Variants in ICA1 observed in about 807,000 individuals in gnomAD.
ICA1 encodes 69 kDa islet cell autoantigen.
ICA1 carries 40 observed loss-of-function variants against 71.0 expected under a neutral mutation model. The observed-to-expected ratio is 0.56, with a 90% CI of 0.44 to 0.73. The LOEUF (loss-of-function observed/expected upper bound fraction) is 0.73, where lower values mean the gene tolerates loss of function less well. Ranked by LOEUF, ICA1 falls within the 30% of genes least tolerant of loss-of-function variation. The pLI is 0.00. For synonymous variants in ICA1, 207 were observed against 209.5 expected (o/e 0.99, Z 0.10); for missense variants, 578 against 576.5 (o/e 1.00, Z -0.03).
chr7:8,227,661 C>T (rs1051967948), intron 4 of ICA1: 1 of 416,032 alleles, frequency 2.4e-6, no homozygotes. Context: ...GGCTGGAGCA[C>T]AACGGCTCAT....
chr7:8,197,182 A>G (rs1342771310), intron 6 of ICA1, among the ~76,000 whole-genome samples: 1 of 152,072 alleles, frequency 6.6e-6, no homozygotes, highest in Non-Finnish European at 1.5e-5. Flanking sequence ...AAAAAAAGAC[A>G]GATGGTAAAG....
At chr7:8,133,207 A>G (rs1792129467) in intron 12 of ICA1, among the ~76,000 whole-genome samples, 1 of 152,200 alleles carries the variant, frequency 6.6e-6, no homozygotes, top group Admixed American at 6.5e-5. Flanking sequence ...CTTAGGACTC[A>G]GCAAAAAAGG....
chr7:8,253,466 C>G (rs1020446344), intron 1 of ICA1, among the ~76,000 whole-genome samples: 1 of 151,952 alleles, frequency 6.6e-6, no homozygotes, highest in Non-Finnish European at 1.5e-5. Context: ...CAATATGTAT[C>G]CACAAATGTA....
At chr7:8,138,963 A>G in intron 11 of ICA1, 22 bp downstream of exon 11, 1 of 1,603,578 alleles carries the variant, frequency 6.2e-7, no homozygotes, top group Non-Finnish European at 8.5e-7. Flanking sequence ...AAAATTGAGT[A>G]GTTTTCCTTA....
chr7:8,244,213 A>G (rs1805059399), intron 1 of ICA1, among the ~76,000 whole-genome samples: 1 of 152,246 alleles, frequency 6.6e-6, no homozygotes, highest in Non-Finnish European at 1.5e-5. Flanking sequence ...AAACAGAGAT[A>G]TAGACCAATG....
At position 8,173,842 on chromosome 7, in the gene ICA1, G is replaced by C. The variant is rs2128238120; in HGVS notation, c.580-15190C>G. 6.6e-6 allele frequency among the ~76,000 whole-genome samples: 1 copy of C among 152,094 alleles called. No individual in the cohort carries two copies. The highest frequency in any genetic ancestry group is 2.1e-4 in the South Asian group (1 of 4,798). ...TATAATTGAACACCTATAGCTCTCG[G>C]TGCTGGAGATAAGCAGAGAATAAAG... On this transcript the variant is annotated intron_variant, in intron 6 of 13. Transcript: ENST00000402384. This position sits in a 1 kb window ranked among gnomAD's most constrained non-coding sequence, Gnocchi z 4.0.
At chr7:8,161,028 A>T (rs1168599552) in intron 6 of ICA1, among the ~76,000 whole-genome samples, 1 of 152,210 alleles carries the variant, frequency 6.6e-6, no homozygotes, top group Non-Finnish European at 1.5e-5. Context: ...GGGGTCCTGA[A>T]AGGCATCTGT....
At chr7:8,162,208 T>C (rs186178799) in intron 6 of ICA1, among the ~76,000 whole-genome samples, 259 of 152,386 alleles carry the variant, frequency 1.7e-3, no homozygotes, top group African/African-American at 6.0e-3. Context: ...TAGCGTAGTT[T>C]GAAATGTACC....
chr7:8,152,834 C>T (rs1799894365), intron 8 of ICA1, among the ~76,000 whole-genome samples: 2 of 148,022 alleles, frequency 1.4e-5, no homozygotes, highest in African/African-American at 2.5e-5. Context: ...ACACCACTAC[C>T]CCCACCACTA....
Position 8,223,163 on chromosome 7 carries a change from C to G in ICA1, c.257-1765G>C, listed in dbSNP as rs754473915. On this transcript the variant is annotated intron_variant, in intron 4 of 13. Coordinates refer to ENST00000402384, the MANE Select transcript of ICA1 (RefSeq NM_001136020.3). This position sits in a 1 kb window ranked among gnomAD's most constrained non-coding sequence, Gnocchi z 4.1. ...CTCCTCCCCACTGATTAATATGTGC[C>G]TCACTCAATTCCACAATGAATCTTT... Among the ~76,000 whole-genome samples the G allele has an allele frequency of 6.6e-6, 1 of 152,076 alleles. No individual in the cohort carries two copies. Among genetic ancestry groups the G allele is most frequent in the Non-Finnish European group, 1.5e-5 (1 of 68,006 alleles).
At chr7:8,140,354 T>C (rs999560838) in intron 10 of ICA1, among the ~76,000 whole-genome samples, 4 of 152,212 alleles carry the variant, frequency 2.6e-5, no homozygotes, top group Non-Finnish European at 5.9e-5. Context: ...TTTCTCTGAC[T>C]TTCTCCAGGT....
At position 8,246,669 on chromosome 7, in the gene ICA1, T is replaced by C. The variant is rs1438365463; in HGVS notation, c.-79-10664A>G. ...AAACCACCTTGCTCTGTGGGAAGAA[T>C]TGAGAGAACAGTGGGGAAGGACACT... On this transcript the variant is annotated intron_variant, in intron 1 of 13. Transcript: ENST00000402384. Among the ~76,000 whole-genome samples the C allele has an allele frequency of 2.0e-5, 3 of 152,180 alleles. No homozygotes were observed. In the East Asian group the frequency reaches 5.8e-4, roughly 29 times the overall value.
intron 1 of ICA1, among the ~76,000 whole-genome samples, chr7:8,253,114 T>A (rs1440292611): frequency 5.3e-5 from 8 of 152,222 alleles, no homozygotes; most frequent in Admixed American, 3.3e-4. Flanking sequence ...AGCCTCAGTC[T>A]AAGGCATCAA....
At chr7:8,124,502 T>C (rs1472664715) in intron 13 of ICA1, among the ~76,000 whole-genome samples, 2 of 152,014 alleles carry the variant, frequency 1.3e-5, no homozygotes, top group Non-Finnish European at 2.9e-5. Flanking sequence ...TCCTCTTTTT[T>C]GAGGGGATTG....
chr7:8,158,736 C>CT, intron 6 of ICA1, 84 bp from the exon 7 acceptor site: 1 of 1,348,662 alleles, frequency 7.4e-7, no homozygotes, highest in South Asian at 1.3e-5. Flanking sequence ...AACAGCAGGC[C>CT]TTTTCTCTTT....
chr7:8,259,007 T>G (rs1461437999), intron 1 of ICA1, among the ~76,000 whole-genome samples: 4 of 152,186 alleles, frequency 2.6e-5, no homozygotes, highest in African/African-American at 9.7e-5. Context: ...TTTAGAGTAG[T>G]GTGCTGGACA....
At chr7:8,192,409 C>T (rs114477596) in intron 6 of ICA1, among the ~76,000 whole-genome samples, 197 of 152,236 alleles carry the variant, frequency 1.3e-3, no homozygotes, top group African/African-American at 4.6e-3. Flanking sequence ...AAAGTCATTC[C>T]GGCTTTTCCT....
At chr7:8,213,328 A>T (rs905612212) in intron 6 of ICA1, among the ~76,000 whole-genome samples, 2 of 152,198 alleles carry the variant, frequency 1.3e-5, no homozygotes, top group South Asian at 4.1e-4. Flanking sequence ...GTCCTGAGAG[A>T]TATTAGCGCT....
intron 1 of ICA1, among the ~76,000 whole-genome samples, chr7:8,244,134 C>A (rs1805017469): frequency 6.6e-6 from 1 of 152,188 alleles, no homozygotes; most frequent in Non-Finnish European, 1.5e-5. Flanking sequence ...AACCTGGAGG[C>A]ATCACGCTAC....
Sources: allele counts gnomAD v4.1 joint callset (sites outside exome capture counted in the v4.1 genomes callset), GRCh38; gene constraint gnomAD v4.1.1; non-coding constraint Gnocchi (gnomAD v3.1); transcripts MANE v1.5; gene names NCBI Gene and HGNC (gene_info 2026-07-23, HGNC 2026-07-21).